The following GET3 variants were observed in gnomAD, a reference collection of about 807,000 sequenced individuals.
GET3 encodes the protein guided entry of tail-anchored proteins factor 3, ATPase.
A neutral mutation model predicts 32.4 loss-of-function variants in GET3; 15 were observed. The ratio of observed to expected loss-of-function variants is 0.46; its 90% CI spans 0.31 to 0.71. The LOEUF is 0.71. Among genes scored for constraint, GET3 ranks in the 30% least tolerant of loss-of-function variants. The pLI is 0.05. For missense variants in GET3, 333 were observed against 459.0 expected (o/e 0.73, Z 2.51); for synonymous variants, 198 against 185.6 (o/e 1.07, Z -0.54).
At chr19:12,739,211 A>G (rs1967623336) in intron 2 of GET3, among the ~76,000 whole-genome samples, 1 of 151,576 alleles carries the variant, frequency 6.6e-6, no homozygotes, top group African/African-American at 2.4e-5. Flanking sequence ...TCTGTCTCCC[A>G]GGCTGGAGTG....
intron 2 of GET3, among the ~76,000 whole-genome samples, chr19:12,742,475 C>T (rs1011152637): frequency 4.0e-5 from 6 of 151,064 alleles, no homozygotes; most frequent in Admixed American, 6.6e-5. Flanking sequence ...AGTGCAGTGG[C>T]GCAATCTCGG....
Position 12,745,738 on chromosome 19 carries a change from G to A in GET3, c.588G>A (p.Gln196=). 6.2e-7 allele frequency: 1 copy of A among 1,610,808 alleles called. No individual in the cohort carries two copies. The part of the protein sequence containing the change: ...GLGRLMQIKN[Q]ISPFISQMCN... ...GCCGGCTTATGCAGATCAAGAACCA[G>A]ATCAGCCCTTTCATCTCACAGGCAG... is the stretch of plus-strand genomic sequence containing the variant. The change falls in exon 4 of 7, where the codon CAG becomes CAA. Residue 196 remains glutamine (Q), a synonymous_variant. Coordinates refer to ENST00000357332, the MANE Select transcript of GET3 (RefSeq NM_004317.4). This position sits in a 1 kb window ranked among gnomAD's most constrained non-coding sequence, Gnocchi z 5.0.
intron 1 of GET3, among the ~76,000 whole-genome samples, chr19:12,737,909 G>C (rs935136615): frequency 1.3e-5 from 2 of 152,178 alleles, no homozygotes; most frequent in African/African-American, 4.8e-5. Flanking sequence ...GCGCCCGGGG[G>C]ACGGGGAAGC....
chr19:12,743,806 G>C (rs1967717921), intron 2 of GET3, among the ~76,000 whole-genome samples: 1 of 122,056 alleles, frequency 8.2e-6, no homozygotes, highest in South Asian at 2.8e-4. Flanking sequence ...TCAGCTCACT[G>C]CAGGCTCCGC....
chr19:12,738,811 T>C (rs746626523), intron 2 of GET3, among the ~76,000 whole-genome samples, 153 bp downstream of exon 2: 2 of 152,060 alleles, frequency 1.3e-5, no homozygotes, highest in Non-Finnish European at 2.9e-5. Context: ...AGGGAACCAA[T>C]GAGGAATTGC....
intron 2 of GET3, among the ~76,000 whole-genome samples, chr19:12,743,408 G>A (rs912510758): frequency 1.3e-4 from 20 of 151,896 alleles, no homozygotes; most frequent in Non-Finnish European, 1.8e-4. Context: ...CCCTGGAGGC[G>A]GAGGTTGCAG....
rs1179379024 is a variant in GET3 at position 12,737,671 on chromosome 19, G to A, written c.161+5G>A. 6.2e-7 allele frequency: 1 copy of A among 1,606,238 alleles called. No homozygotes were observed. Among genetic ancestry groups the A allele is most frequent in the East Asian group, 2.3e-5 (1 of 44,296 alleles). On this transcript the variant is annotated splice_donor_5th_base_variant and intron_variant, in intron 1 of 6. Transcript: ENST00000357332. The stretch of plus-strand genomic sequence containing the variant: ...TGTGGGCAAGACCACCTGCAGGTAA[G>A]GAGGCTGCGGCGGGGGCCAGGAGGC...
In GET3 at chr19:12,745,729, C is replaced by T; in HGVS notation, c.579C>T (p.Ile193=). 1.2e-6 allele frequency: 2 copies of T among 1,611,990 alleles called. No homozygotes were observed. The highest frequency in any genetic ancestry group is 1.7e-6 in the Non-Finnish European group (2 of 1,179,658). The stretch of plus-strand genomic sequence containing the variant: ...GGGGCCTGGGCCGGCTTATGCAGAT[C>T]AAGAACCAGATCAGCCCTTTCATCT... The part of the protein sequence containing the change: ...VERGLGRLMQ[I]KNQISPFISQ... The change falls in exon 4 of 7, where the codon ATC becomes ATT. Residue 193 remains isoleucine (I), a synonymous_variant. Transcript: ENST00000357332. This position sits in a 1 kb window ranked among gnomAD's most constrained non-coding sequence, Gnocchi z 5.0.
At chr19:12,741,324 C>T (rs1253243058) in intron 2 of GET3, among the ~76,000 whole-genome samples, 2 of 151,966 alleles carry the variant, frequency 1.3e-5, no homozygotes, top group Non-Finnish European at 2.9e-5. Flanking sequence ...GGCGTGATGG[C>T]GGGTGCCTTT....
At chr19:12,746,389 T>A (rs1967772316) in intron 4 of GET3, among the ~76,000 whole-genome samples, 5 of 152,148 alleles carry the variant, frequency 3.3e-5, no homozygotes, top group South Asian at 4.2e-4. Context: ...CACTTCGACC[T>A]CCCAGAGTGC....
rs986023047 is a variant in GET3 at position 12,747,123 on chromosome 19, C to T, written c.610-74C>T. The T allele has an allele frequency of 3.4e-5, 44 of 1,276,154 alleles. No individual in the cohort carries two copies. The highest frequency in any genetic ancestry group is 4.2e-5 in the Non-Finnish European group (38 of 913,018). 79.1% of individuals were successfully genotyped at this position (1,276,154 alleles called of 1,614,324 possible). ...CTGGGAGGTATCAGGAGTCATCCCT[C>T]GGGTGTTTAGTGAACCCCCAACCCA... On this transcript the variant is annotated intron_variant, in intron 4 of 6. Coordinates refer to ENST00000357332, the MANE Select transcript of GET3 (RefSeq NM_004317.4). The surrounding 1 kb of genome is among the most constrained non-coding windows in gnomAD (Gnocchi z 4.0).
In GET3 at chr19:12,738,527, C is replaced by T; in HGVS notation, c.178C>T (p.Gln60Ter). 2 of 1,614,084 alleles carry T rather than the reference C, an allele frequency of 1.2e-6. No homozygotes were observed. The highest frequency in any genetic ancestry group is 2.2e-5 in the East Asian group (1 of 44,878). Reference protein sequence around the residue: ...KTTCSCSLAVQLSKGRESVLI... With the variant: ...KTTCSCSLAV ...ATTACTCAGCTGCAGCCTGGCAGTCCAGCTCTCCAAGGGGCGTGAGAGTGT... is the reference window on the plus strand; with the variant it reads ...ATTACTCAGCTGCAGCCTGGCAGTCTAGCTCTCCAAGGGGCGTGAGAGTGT... Residue 60 changes from glutamine to a stop codon, truncating the protein, a stop_gained, in exon 2 of 7, where the codon CAG (glutamine) becomes TAG (stop). Coordinates refer to ENST00000357332, the MANE Select transcript of GET3 (RefSeq NM_004317.4). LOFTEE classifies it high-confidence loss of function.
Position 12,738,762 on chromosome 19 carries a change from G to T in GET3, c.309+104G>T, listed in dbSNP as rs998217250. ...CCGTGTCCTATCCACTCTATATCCT[G>T]TGTCTCTCGTGTTTCACTCCTTCCT... On this transcript the variant is annotated intron_variant, in intron 2 of 6. Coordinates refer to ENST00000357332, the MANE Select transcript of GET3 (RefSeq NM_004317.4). The T allele has an allele frequency of 4.3e-6, 6 of 1,407,480 alleles. No individual in the cohort carries two copies. In the East Asian group the frequency reaches 9.5e-5, roughly 22 times the overall value. 87.2% of individuals were successfully genotyped at this position (1,407,480 alleles called of 1,614,324 possible).
chr19:12,744,607 A>G (rs956479807), intron 2 of GET3, among the ~76,000 whole-genome samples: 1 of 152,194 alleles, frequency 6.6e-6, no homozygotes, highest in Non-Finnish European at 1.5e-5. Flanking sequence ...GGCATGAGGT[A>G]CCGCGCCTGG....
upstream of GET3, chr19:12,737,478 C>A (rs928193228): frequency 4.0e-6 from 6 of 1,483,782 alleles, no homozygotes; most frequent in Non-Finnish European, 5.4e-6. Flanking sequence ...ATGGTGCGCT[C>A]CGCTGGATCA....
chr19:12,744,412 C>T (rs942629783), intron 2 of GET3, among the ~76,000 whole-genome samples: 8 of 151,070 alleles, frequency 5.3e-5, no homozygotes, highest in South Asian at 2.1e-4. Context: ...CTCTGCCTCC[C>T]GGGTTCAAGC....
Position 12,747,595 on chromosome 19 carries a change from G to T in GET3, c.915+3G>T. 1 of 1,612,236 alleles carries T rather than the reference G, an allele frequency of 6.2e-7. No individual in the cohort carries two copies. ...TCCAGGCCAAGTATCTGGACCAGGT[G>T]TGCCCACCCACCCAGCACTGGCTCA... On this transcript the variant is annotated splice_donor_region_variant and intron_variant, in intron 6 of 6. Transcript: ENST00000357332. The surrounding 1 kb of genome is among the most constrained non-coding windows in gnomAD (Gnocchi z 4.0).
rs1288058450 is a variant in GET3, at chr19:12,748,233, G to A, written c.*129G>A. 3.3e-6 allele frequency: 3 copies of A among 907,374 alleles called. No homozygotes were observed. The highest frequency in any genetic ancestry group is 3.4e-5 in the African/African-American group (2 of 58,912). 56.2% of individuals were successfully genotyped at this position (907,374 alleles called of 1,614,324 possible). A position where few individuals can be genotyped will look rare whatever the true frequency, so the allele number is the denominator to read the frequency against. ...GCCACTTGGGCAGGAGGCAGGGAGG[G>A]GTCCATTCCCCCTGGTGGGGCTGGT... On this transcript the variant is annotated 3_prime_UTR_variant, in exon 7 of 7. Coordinates refer to ENST00000357332, the MANE Select transcript of GET3 (RefSeq NM_004317.4).
In GET3 at chr19:12,747,413, T is replaced by C; in HGVS notation, c.736T>C (p.Cys246Arg). 6.2e-7 allele frequency: 1 copy of C among 1,614,124 alleles called. No individual in the cohort carries two copies. Reference protein sequence around the residue: ...FKDPEQTTFICVCIAEFLSLY... With the variant: ...FKDPEQTTFIRVCIAEFLSLY... ...CCTGTAGGAGCAGACAACTTTCATC[T>C]GCGTATGCATTGCTGAGTTCCTGTC... The change falls in exon 6 of 7, where the codon TGC (cysteine) becomes CGC (arginine). Residue 246 changes from cysteine (C) to arginine (R), a missense_variant. Cys to Arg is a radical substitution (Grantham distance 180). Around this residue, in one of 3 missense-constraint regions of GET3, gnomAD observed 230 missense variants for 389.2 expected, o/e 0.59. Coordinates refer to ENST00000357332, the MANE Select transcript of GET3 (RefSeq NM_004317.4). This position sits in a 1 kb window ranked among gnomAD's most constrained non-coding sequence, Gnocchi z 4.0.
Sources: allele counts gnomAD v4.1 joint callset (sites outside exome capture counted in the v4.1 genomes callset), GRCh38; gene constraint gnomAD v4.1.1; regional missense constraint gnomAD v4.1.1; non-coding constraint Gnocchi (gnomAD v3.1); transcripts MANE v1.5; gene names NCBI Gene and HGNC (gene_info 2026-07-23, HGNC 2026-07-21).